SAMD8: variants seen among roughly 807,000 people sequenced by gnomAD.
SAMD8 encodes sterile alpha motif domain containing 8.
Under a neutral mutation model 42.0 loss-of-function variants are expected in SAMD8, and 20 were observed. The ratio of observed to expected loss-of-function variants is 0.48; its 90% CI spans 0.34 to 0.69. The LOEUF (loss-of-function observed/expected upper bound fraction) is 0.69. Among genes scored for constraint, SAMD8 ranks in the 30% least tolerant of loss-of-function variants. The pLI is 0.01. For missense variants in SAMD8, 328 were observed against 511.6 expected, an observed-to-expected ratio of 0.64 and a Z score of 3.46; for synonymous variants, 162 against 173.0, an observed-to-expected ratio of 0.94 and a Z score of 0.50.
intron 1 of SAMD8, among the ~76,000 whole-genome samples, chr10:75,143,365 G>A (rs1054100060): frequency 3.3e-5 from 5 of 152,104 alleles, no homozygotes; most frequent in African/African-American, 9.7e-5. Flanking sequence ...TTATGCATGT[G>A]GCTACCATTT....
chr10:75,165,625 T>A (rs1428596385), intron 3 of SAMD8, among the ~76,000 whole-genome samples: 1 of 150,510 alleles, frequency 6.6e-6, no homozygotes, highest in Non-Finnish European at 1.5e-5. Flanking sequence ...GAGCCGAGAT[T>A]GTGCCACTGC....
rs1349180097 is a variant in SAMD8, at chr10:75,177,737, T to G, written c.*1045T>G. On this transcript the variant is annotated 3_prime_UTR_variant, in exon 6 of 6. Coordinates refer to ENST00000542569, the MANE Select transcript of SAMD8 (RefSeq NM_001174156.2). ...AGACATACTTGGATATGAAAAAGTTTCGTTGTTTTTTACTTTTAAATATAA... is the reference window on the plus strand; with the variant it reads ...AGACATACTTGGATATGAAAAAGTTGCGTTGTTTTTTACTTTTAAATATAA... The G allele has an allele frequency of 2.0e-5, 3 of 152,252 alleles. No homozygotes were observed. Among genetic ancestry groups the G allele is most frequent in the African/African-American group, 4.8e-5 (2 of 41,474 alleles). The allele number at this position is 152,252 out of a possible 1,614,324, so 9.4% of individuals were successfully genotyped here.
chr10:75,103,593 T>C (rs906836617), intron 1 of SAMD8, among the ~76,000 whole-genome samples: 1 of 152,206 alleles, frequency 6.6e-6, no homozygotes, highest in Admixed American at 6.5e-5. Flanking sequence ...ACCTTTGTCA[T>C]ACACACATAC....
intron 1 of SAMD8, chr10:75,101,763 C>CA: frequency 5.4e-5 from 42 of 773,622 alleles, no homozygotes; most frequent in South Asian, 1.4e-4. Flanking sequence ...CTACCCAACC[C>CA]AAACCCCACC....
chr10:75,156,855 T>A (rs939285615), intron 2 of SAMD8, among the ~76,000 whole-genome samples: 1 of 152,118 alleles, frequency 6.6e-6, no homozygotes, highest in African/African-American at 2.4e-5. Flanking sequence ...AATAATGCTA[T>A]ACAGGACATT....
At chr10:75,109,004 C>A, upstream of SAMD8, 1 of 1,598,424 alleles carries the variant, frequency 6.3e-7, no homozygotes, top group Non-Finnish European at 8.5e-7. Flanking sequence ...CCAGCTACCA[C>A]TCACGCATCT....
chr10:75,143,843 A>AT (rs1413882176), intron 1 of SAMD8, among the ~76,000 whole-genome samples: 1 of 146,476 alleles, frequency 6.8e-6, no homozygotes, highest in East Asian at 2.0e-4. Context: ...TACTTCAAAT[A>AT]TTTTTTCTGT....
At chr10:75,105,059 G>A (rs1392000011) in intron 1 of SAMD8, among the ~76,000 whole-genome samples, 3 of 152,202 alleles carry the variant, frequency 2.0e-5, no homozygotes, top group Non-Finnish European at 4.4e-5. Context: ...AGGCGAGACA[G>A]GCAAGGAGTT....
At chr10:75,120,067 C>CA (rs1848970345) in intron 1 of SAMD8, among the ~76,000 whole-genome samples, 2 of 151,974 alleles carry the variant, frequency 1.3e-5, no homozygotes, top group South Asian at 2.1e-4. Flanking sequence ...GACACTGTCT[C>CA]AAAAAAAGTA....
At chr10:75,106,109 T>C (rs1309427528) in intron 1 of SAMD8, among the ~76,000 whole-genome samples, 1 of 150,318 alleles carries the variant, frequency 6.7e-6, no homozygotes, top group African/African-American at 2.4e-5. Flanking sequence ...TTCTTTTTTT[T>C]TTTTTTTTTT....
rs1841072411 is a variant in SAMD8 at position 75,180,982 on chromosome 10, G to A, written c.*4290G>A. 6.6e-6 allele frequency: 1 copy of A among 152,062 alleles called. No homozygotes were observed. Among genetic ancestry groups the A allele is most frequent in the Admixed American group, 6.5e-5 (1 of 15,268 alleles). 9.4% of individuals were successfully genotyped at this position (152,062 alleles called of 1,614,324 possible). A position where few individuals can be genotyped will look rare whatever the true frequency, so the allele number is the denominator to read the frequency against. On this transcript the variant is annotated 3_prime_UTR_variant, in exon 6 of 6. Transcript: ENST00000542569. ...GCCTAAGAATGTTAACCACATTCTT[G>A]TTTTAAACTCTCTAATTTAATAAAT...
chr10:75,106,111 T>TA (rs1398915037), intron 1 of SAMD8, among the ~76,000 whole-genome samples: 5 of 150,614 alleles, frequency 3.3e-5, no homozygotes, highest in Non-Finnish European at 7.4e-5. Context: ...CTTTTTTTTT[T>TA]TTTTTTTTTT....
chr10:75,146,803 C>G (rs1259832388), intron 1 of SAMD8, among the ~76,000 whole-genome samples: 1 of 152,146 alleles, frequency 6.6e-6, no homozygotes, highest in African/African-American at 2.4e-5. Context: ...CTCCTGTTCC[C>G]TGTAATTCCT....
chr10:75,175,051 G>A (rs565282361), intron 4 of SAMD8, among the ~76,000 whole-genome samples: 1 of 152,246 alleles, frequency 6.6e-6, no homozygotes, highest in East Asian at 1.9e-4. Context: ...CCACTTTGTG[G>A]TCCAAGATGG....
rs1840275265 is a variant in SAMD8 at position 75,150,937 on chromosome 10, A to G, written c.409A>G (p.Lys137Glu). Residue 137 changes from lysine to glutamate, a missense_variant, in exon 2 of 6, where the codon AAA becomes GAA. Around this residue, in one of 2 missense-constraint regions of SAMD8, gnomAD observed 150 missense variants for 186.0 expected, o/e 0.81. Transcript: ENST00000542569. ...TGATCAGTACCAGTACATGAATGGTAAAAACAAACATTCTGTTCGAAGATT... is the reference window on the plus strand; with the variant it reads ...TGATCAGTACCAGTACATGAATGGTGAAAACAAACATTCTGTTCGAAGATT... ...NSDQYQYMNG[K>E]NKHSVRRLDP... 2 of 1,612,954 alleles carry G rather than the reference A, an allele frequency of 1.2e-6. No homozygotes were observed. Among genetic ancestry groups the G allele is most frequent in the African/African-American group, 1.3e-5 (1 of 74,872 alleles).
At chr10:75,149,349 A>G (rs1245051379) in intron 1 of SAMD8, among the ~76,000 whole-genome samples, 1 of 152,224 alleles carries the variant, frequency 6.6e-6, no homozygotes, top group African/African-American at 2.4e-5. Context: ...ATAGCACCTT[A>G]TTGGCCTTTT....
intron 1 of SAMD8, among the ~76,000 whole-genome samples, chr10:75,121,102 C>T (rs1407937450): frequency 6.6e-6 from 1 of 152,034 alleles, no homozygotes; most frequent in Non-Finnish European, 1.5e-5. Flanking sequence ...GTTTGCTAAG[C>T]ATTATTATAA....
chr10:75,111,249 G>A (rs1231117100), upstream of SAMD8, among the ~76,000 whole-genome samples: 4 of 152,198 alleles, frequency 2.6e-5, no homozygotes. Flanking sequence ...AGAGGAATTC[G>A]GATTACCTCC....
upstream of SAMD8, chr10:75,111,570 CG>C: frequency 8.0e-7 from 1 of 1,249,826 alleles, no homozygotes; most frequent in Non-Finnish European, 1.0e-6. Flanking sequence ...CAGTCGCCAC[CG>C]CCCCCGCCTC....
Sources: allele counts gnomAD v4.1 joint callset (sites outside exome capture counted in the v4.1 genomes callset), GRCh38; gene constraint gnomAD v4.1.1; regional missense constraint gnomAD v4.1.1; transcripts MANE v1.5; gene names NCBI Gene and HGNC (gene_info 2026-07-23, HGNC 2026-07-21).